The following DCDC2B variants were observed in gnomAD, a reference collection of about 807,000 sequenced individuals.
DCDC2B encodes the protein doublecortin domain-containing protein 2B.
A neutral mutation model predicts 38.9 loss-of-function variants in DCDC2B; 41 were observed. That is an observed-to-expected ratio of 1.05 (90% CI 0.82 to 1.37). The LOEUF (loss-of-function observed/expected upper bound fraction) is 1.37. Ranked by LOEUF, DCDC2B falls within the 40% of genes most tolerant of loss-of-function variation. The pLI, the probability that DCDC2B is intolerant of heterozygous loss-of-function variation, is 0.00. For missense variants in DCDC2B, 453 were observed against 427.2 expected (o/e 1.06, Z -0.53); for synonymous variants, 181 against 171.9 (o/e 1.05, Z -0.41).
At chr1:32,215,629 C>A (rs1638321250) in intron 8 of DCDC2B, 86 bp downstream of exon 8, 4 of 1,290,346 alleles carry the variant, frequency 3.1e-6, no homozygotes, top group African/African-American at 3.0e-5. Flanking sequence ...AGGAACAGTT[C>A]TCCTCCCTTG....
rs1017167362 is a variant in DCDC2B at position 32,215,988 on chromosome 1, C to T, written c.*91C>T. 2.7e-6 allele frequency: 3 copies of T among 1,107,468 alleles called. No homozygotes were observed. The highest frequency in any genetic ancestry group is 4.0e-6 in the Non-Finnish European group (3 of 750,862). 68.6% of individuals were successfully genotyped at this position (1,107,468 alleles called of 1,614,324 possible). A position where few individuals can be genotyped will look rare whatever the true frequency, so the allele number is the denominator to read the frequency against. The stretch of plus-strand genomic sequence containing the variant: ...GCAGCTTGTTCCTCAGGAGCCAGCA[C>T]CTCCGCTGGGCTCACAGGGTACACT... On this transcript the variant is annotated 3_prime_UTR_variant, in exon 9 of 9. Transcript: ENST00000409358.
rs750587047 is a variant in DCDC2B, at chr1:32,212,147, CTG to C, written c.477_478del (p.Leu160GlufsTer5). 8.1e-6 allele frequency: 13 copies of C among 1,613,706 alleles called. No homozygotes were observed. The highest frequency in any genetic ancestry group is 1.7e-4 in the Middle Eastern group (1 of 6,004). On this transcript the variant is annotated frameshift_variant, in exon 4 of 9. Transcript: ENST00000409358. LOFTEE classifies it high-confidence loss of function. ...CAGGCTGCCAGCCAGGACTGGGAAA[CTG>C]TGTTGAAGCTCCTGACTGAGAAGGT...
rs768905507 is a variant in DCDC2B at position 32,209,285 on chromosome 1, T to G, written c.192T>G (p.Pro64=). The change falls in exon 1 of 9, where the codon CCT becomes CCG. Residue 64 remains proline, a synonymous_variant. Transcript: ENST00000409358. ...RALYTPCHGH[P]VTNLADLKNR... The stretch of plus-strand genomic sequence containing the variant: ...TCTACACACCTTGTCATGGCCACCC[T>G]GTCACCAACCTGGCAGACTTGAAGA... The G allele has an allele frequency of 1.2e-6, 2 of 1,614,024 alleles. No homozygotes were observed. Among genetic ancestry groups the G allele is most frequent in the Admixed American group, 3.3e-5 (2 of 60,032 alleles).
chr1:32,209,476 G>C, intron 1 of DCDC2B, 117 bp downstream of exon 1: 3 of 1,433,126 alleles, frequency 2.1e-6, no homozygotes, highest in South Asian at 1.4e-5. Context: ...ACTCTATGTA[G>C]GGGGGGTGGT....
intron 1 of DCDC2B, among the ~76,000 whole-genome samples, 152 bp from the exon 2 acceptor site, chr1:32,211,120 C>G (rs551147312): frequency 6.6e-6 from 1 of 152,364 alleles, no homozygotes; most frequent in South Asian, 2.1e-4. Context: ...GCAGGTTCAG[C>G]TGCCAATATC....
In DCDC2B at chr1:32,211,296, C is replaced by G. The variant is rs941192967; in HGVS notation, c.291C>G (p.Asp97Glu). The G allele has an allele frequency of 6.2e-7, 1 of 1,613,920 alleles. No homozygotes were observed. The highest frequency in any genetic ancestry group is 1.1e-5 in the South Asian group (1 of 91,078). Reference sequence around the variant, plus strand: ...GCTATTTACCCCATAGAGGGAAGGACCCAGGTGGGAAGAGCTGCAGACTAC... The same window carrying G: ...GCTATTTACCCCATAGAGGGAAGGAGCCAGGTGGGAAGAGCTGCAGACTAC... Reference protein sequence around the residue: ...KLHYLPHRGKDPGGKSCRLQG... With the variant: ...KLHYLPHRGKEPGGKSCRLQG... The change falls in exon 2 of 9, where the codon GAC (aspartate) becomes GAG (glutamate). Residue 97 changes from aspartate (D) to glutamate (E), a missense_variant. Coordinates refer to ENST00000409358, the MANE Select transcript of DCDC2B (RefSeq NM_001099434.2).
intron 6 of DCDC2B, among the ~76,000 whole-genome samples, chr1:32,213,976 A>T (rs907716490): frequency 1.3e-5 from 2 of 151,884 alleles, no homozygotes; most frequent in African/African-American, 4.8e-5. Context: ...TGTGAAAGAA[A>T]GATTATCCCC....
Position 32,209,171 on chromosome 1 carries a change from G to T in DCDC2B, c.78G>T (p.Leu26=). 6.2e-7 allele frequency: 1 copy of T among 1,614,022 alleles called. No individual in the cohort carries two copies. The highest frequency in any genetic ancestry group is 1.3e-5 in the African/African-American group (1 of 75,060). Reference sequence around the variant, plus strand: ...ACCCATTCTTCCCAGGCTCCCAGCTGGTGGTGACTCAACGCCGCTTCCCCA... The same window carrying T: ...ACCCATTCTTCCCAGGCTCCCAGCTTGTGGTGACTCAACGCCGCTTCCCCA... ...NGDPFFPGSQ[L]VVTQRRFPTM... is the part of the protein sequence containing the mutation. Residue 26 remains leucine (L), a synonymous_variant, in exon 1 of 9, where the codon CTG becomes CTT. Coordinates refer to ENST00000409358, the MANE Select transcript of DCDC2B (RefSeq NM_001099434.2).
Position 32,212,509 on chromosome 1 carries a change from C to G in DCDC2B, c.547C>G (p.Leu183Val), listed in dbSNP as rs779823300. ...AVCKLCTLEG[L>V]PLSAGKELVT... is the part of the protein sequence containing the mutation. ...TCCCAGACTCTGCACCCTAGAGGGG[C>G]TCCCACTGTCAGCAGGGAAGGAGCT... The change falls in exon 5 of 9, where the codon CTC becomes GTC. Residue 183 changes from leucine (L) to valine (V), a missense_variant. Coordinates refer to ENST00000409358, the MANE Select transcript of DCDC2B (RefSeq NM_001099434.2). 1.2e-6 allele frequency: 2 copies of G among 1,614,034 alleles called. No homozygotes were observed. Among genetic ancestry groups the G allele is most frequent in the Admixed American group, 3.3e-5 (2 of 60,018 alleles).
intron 7 of DCDC2B, 123 bp downstream of exon 7, chr1:32,215,055 A>G: frequency 2.1e-6 from 2 of 940,418 alleles, no homozygotes; most frequent in Non-Finnish European, 2.9e-6. Context: ...CGGCACTGGA[A>G]AAAAAAAAAA....
Position 32,209,193 on chromosome 1 carries a change from C to T in DCDC2B, c.100C>T (p.Pro34Ser), listed in dbSNP as rs1324430185. The T allele has an allele frequency of 1.2e-6, 2 of 1,613,918 alleles. No homozygotes were observed. The highest frequency in any genetic ancestry group is 8.5e-7 in the Non-Finnish European group (1 of 1,179,904). Residue 34 changes from proline to serine, a missense_variant, in exon 1 of 9, where the codon CCC becomes TCC. By Grantham distance (74) the Pro-to-Ser change is moderately conservative. Coordinates refer to ENST00000409358, the MANE Select transcript of DCDC2B (RefSeq NM_001099434.2). ...GCTGGTGGTGACTCAACGCCGCTTC[C>T]CCACCATGGAGGCCTTCCTCTGCGA... ...SQLVVTQRRFPTMEAFLCEVT... is the reference protein window; with the variant it reads ...SQLVVTQRRFSTMEAFLCEVT...
chr1:32,214,585 C>G (rs1014819262), intron 6 of DCDC2B: 2 of 598,820 alleles, frequency 3.3e-6, no homozygotes, highest in Non-Finnish European at 5.7e-6. Flanking sequence ...CACTGGGCAT[C>G]GAGGAGTGCC....
At chr1:32,210,816 G>A (rs574006029) in intron 1 of DCDC2B, among the ~76,000 whole-genome samples, 3 of 152,062 alleles carry the variant, frequency 2.0e-5, no homozygotes, top group East Asian at 1.9e-4. Flanking sequence ...CTGAGCTCAC[G>A]CAATCCTCCT....
At position 32,212,784 on chromosome 1, in the gene DCDC2B, C is replaced by T. The variant is rs760279125; in HGVS notation, c.705C>T (p.His235=). 7.4e-6 allele frequency: 12 copies of T among 1,613,718 alleles called. No homozygotes were observed. The highest frequency in any genetic ancestry group is 2.2e-5 in the East Asian group (1 of 44,892). ...CTCCAGGCTCGAAGTCTAGGCCCCA[C>T]AGGCAGGGGGTAGGTGACGCAGGGG... ...WQPPGSKSRP[H]RQGAQGHRAQ... is the part of the protein sequence containing the mutation. Residue 235 remains histidine (H), a synonymous_variant, in exon 6 of 9, where the codon CAC becomes CAT. Coordinates refer to ENST00000409358, the MANE Select transcript of DCDC2B (RefSeq NM_001099434.2).
In DCDC2B at chr1:32,216,097, G is replaced by C; in HGVS notation, c.*200G>C. The C allele has an allele frequency of 3.0e-6, 2 of 677,370 alleles. No individual in the cohort carries two copies. Among genetic ancestry groups the C allele is most frequent in the Non-Finnish European group, 4.9e-6 (2 of 405,342 alleles). The allele number at this position is 677,370 out of a possible 1,614,324, so 42.0% of individuals were successfully genotyped here. A position where few individuals can be genotyped will look rare whatever the true frequency, so the allele number is the denominator to read the frequency against. ...TCCTCTGAGCAGAGCAGCCCTGGCTGTGGGGGCTATTTCCTTATGGGATTC... is the reference window on the plus strand; with the variant it reads ...TCCTCTGAGCAGAGCAGCCCTGGCTCTGGGGGCTATTTCCTTATGGGATTC... On this transcript the variant is annotated 3_prime_UTR_variant, in exon 9 of 9. Coordinates refer to ENST00000409358, the MANE Select transcript of DCDC2B (RefSeq NM_001099434.2).
intron 6 of DCDC2B, 111 bp from the exon 7 acceptor site, chr1:32,214,686 T>C: frequency 6.8e-7 from 1 of 1,468,364 alleles, no homozygotes; most frequent in Non-Finnish European, 9.2e-7. Context: ...AGACGGTGTC[T>C]CCTCTGCCAT....
In DCDC2B at chr1:32,212,736, T is replaced by C. The variant is rs1643640885; in HGVS notation, c.675-18T>C. 2.5e-6 allele frequency: 4 copies of C among 1,613,916 alleles called. No homozygotes were observed. Among genetic ancestry groups the C allele is most frequent in the Non-Finnish European group, 3.4e-6 (4 of 1,179,844 alleles). ...TATGCCCTCTGCCCACTACAAGCCT[T>C]TCCTTTTGTCATTGTAGGCAACCTC... On this transcript the variant is annotated intron_variant, in intron 5 of 8. Transcript: ENST00000409358.
chr1:32,215,324 G>T, intron 7 of DCDC2B, 116 bp from the exon 8 acceptor site: 1 of 844,356 alleles, frequency 1.2e-6, no homozygotes, highest in Non-Finnish European at 1.8e-6. Context: ...CTGGGAGGTG[G>T]TGGGGAATGC....
chr1:32,212,044 C>T (rs748596369), intron 3 of DCDC2B, 26 bp from the exon 4 acceptor site: 3 of 1,604,862 alleles, frequency 1.9e-6, no homozygotes, highest in South Asian at 1.1e-5. Context: ...TGGGGACACT[C>T]CCCCTTACCA....
Sources: gnomAD v4.1 joint callset for allele counts (sites outside exome capture counted in the v4.1 genomes callset) on GRCh38, gnomAD v4.1.1 for gene constraint, MANE v1.5 for transcripts, NCBI Gene and HGNC (gene_info 2026-07-23, HGNC 2026-07-21) for gene names.